GRIK4: variants seen among roughly 807,000 people sequenced by gnomAD.
GRIK4 encodes glutamate ionotropic receptor kainate type subunit 4.
In GRIK4, 40 loss-of-function variants were observed where a neutral mutation model predicts 104.9. The ratio of observed to expected loss-of-function variants is 0.38; its 90% CI spans 0.30 to 0.50. The LOEUF is 0.50. Among genes scored for constraint, GRIK4 ranks in the 20% least tolerant of loss-of-function variants. The pLI, the probability that GRIK4 is intolerant of heterozygous loss-of-function variation, is 0.93. For synonymous variants in GRIK4, 485 were observed against 524.9 expected (o/e 0.92, Z 1.04); for missense variants, 1,047 against 1,308.1 (o/e 0.80, Z 3.08).
intron 3 of GRIK4, among the ~76,000 whole-genome samples, chr11:120,711,005 G>GGA (rs201196928): frequency 6.7e-6 from 1 of 150,026 alleles, no homozygotes; most frequent in Non-Finnish European, 1.5e-5. Flanking sequence ...GGTGGGGAGG[G>GGA]GGTGTGAGCA....
chr11:120,906,295 G>A lies in GRIK4; in HGVS notation c.1476+802G>A, dbSNP rs77064420. Among the ~76,000 whole-genome samples, 1,289 of 152,350 alleles carry A rather than the reference G, an allele frequency of 8.5e-3. 18 individuals carry two copies. Among genetic ancestry groups the A allele is most frequent in the Non-Finnish European group, 0.014 (928 of 68,032 alleles). On this transcript the variant is annotated intron_variant, in intron 13 of 20. Coordinates refer to ENST00000527524, the MANE Select transcript of GRIK4 (RefSeq NM_014619.5). ...AGGTGATGAGGACACAATGCAGAGA[G>A]CACAGACCTGGGTTCTTGATGTGCC... is the stretch of plus-strand genomic sequence containing the variant.
rs1446489659 is a variant in GRIK4 at position 120,956,452 on chromosome 11, G to A, written c.1701-328G>A. 3.3e-5 allele frequency among the ~76,000 whole-genome samples: 5 copies of A among 151,898 alleles called. No homozygotes were observed. The highest frequency in any genetic ancestry group is 9.7e-5 in the African/African-American group (4 of 41,324). ...ATCCCTGGACTCAAGCAATCCACCC[G>A]CCTCGGCCTCCCAAAGTGCTGGGAT... On this transcript the variant is annotated intron_variant, in intron 15 of 20. Coordinates refer to ENST00000527524, the MANE Select transcript of GRIK4 (RefSeq NM_014619.5). This position sits in a 1 kb window ranked among gnomAD's most constrained non-coding sequence, Gnocchi z 4.6.
chr11:120,927,430 G>A (rs1306476901), intron 13 of GRIK4, among the ~76,000 whole-genome samples: 1 of 152,052 alleles, frequency 6.6e-6, no homozygotes, highest in Admixed American at 6.6e-5. Context: ...AGCTGGGTGT[G>A]GTGGTGCGTG....
chr11:120,853,653 A>G (rs1954029024), intron 8 of GRIK4, among the ~76,000 whole-genome samples: 1 of 152,258 alleles, frequency 6.6e-6, no homozygotes. Context: ...ACATTCACAA[A>G]CAGGGAACCA....
chr11:120,673,266 A>G (rs1184715244), intron 3 of GRIK4, among the ~76,000 whole-genome samples: 2 of 152,222 alleles, frequency 1.3e-5, no homozygotes. Flanking sequence ...TGTCCACTAA[A>G]TATCTACTGA....
At chr11:120,925,953 A>C (rs1199541403) in intron 13 of GRIK4, among the ~76,000 whole-genome samples, 2 of 150,190 alleles carry the variant, frequency 1.3e-5, no homozygotes, top group East Asian at 3.9e-4. Flanking sequence ...CAGCCTGGGC[A>C]TCAGAGCGAG....
chr11:120,666,859 G>A lies in GRIK4; in HGVS notation c.82+6459G>A, dbSNP rs141719541. Among the ~76,000 whole-genome samples the A allele has an allele frequency of 6.6e-5, 10 of 152,330 alleles. No homozygotes were observed. In the East Asian group the frequency reaches 1.9e-3, roughly 29 times the overall value. On this transcript the variant is annotated intron_variant, in intron 3 of 20. Coordinates refer to ENST00000527524, the MANE Select transcript of GRIK4 (RefSeq NM_014619.5). ...TATTTCATGAGAATTTCAAAAGCCT[G>A]TCTCCAGCTCTGTGAAGTCATTTAC... is the stretch of plus-strand genomic sequence containing the variant.
chr11:120,723,124 A>G (rs1240694751), intron 3 of GRIK4, among the ~76,000 whole-genome samples: 2 of 152,214 alleles, frequency 1.3e-5, no homozygotes, highest in Non-Finnish European at 2.9e-5. Flanking sequence ...ATCTTGTTTA[A>G]TGCTCATCAT....
At chr11:120,553,517 T>TGTTCTAGTACTGCAGGGG (rs1948159039) in intron 1 of GRIK4, among the ~76,000 whole-genome samples, 1 of 152,158 alleles carries the variant, frequency 6.6e-6, no homozygotes, top group African/African-American at 2.4e-5. Context: ...AAAAGGGATT[T>TGTTCTAGTACTGCAGGGG]AAAGTCTCTG....
intron 11 of GRIK4, among the ~76,000 whole-genome samples, chr11:120,889,216 C>T (rs1181594938): frequency 6.6e-6 from 1 of 152,124 alleles, no homozygotes; most frequent in Non-Finnish European, 1.5e-5. Flanking sequence ...ATGCAGTAAG[C>T]GTTTACTCCC....
intron 19 of GRIK4, among the ~76,000 whole-genome samples, chr11:120,968,910 G>A (rs538890037): frequency 3.2e-4 from 49 of 152,320 alleles, no homozygotes; most frequent in Non-Finnish European, 4.0e-4. Context: ...GCTCATCCCT[G>A]GGCCCAGTGT....
Position 120,819,677 on chromosome 11 carries a change from C to G in GRIK4, c.346-78C>G. 1 of 1,385,176 alleles carries G rather than the reference C, an allele frequency of 7.2e-7. No homozygotes were observed. Among genetic ancestry groups the G allele is most frequent in the African/African-American group, 1.4e-5 (1 of 70,832 alleles). The allele number at this position is 1,385,176 out of a possible 1,614,324, so 85.8% of individuals were successfully genotyped here. ...CATAAAAGAACTCACCCTCCACAAC[C>G]TCAGCTCACTCATCCCTCTTTCTTC... On this transcript the variant is annotated intron_variant, in intron 5 of 20. Coordinates refer to ENST00000527524, the MANE Select transcript of GRIK4 (RefSeq NM_014619.5). The surrounding 1 kb of genome is among the most constrained non-coding windows in gnomAD (Gnocchi z 4.3).
chr11:120,845,371 A>G lies in GRIK4; in HGVS notation c.744+8527A>G, dbSNP rs74431520. The stretch of plus-strand genomic sequence containing the variant: ...TATCTCATAACATTATTTTGTGAAG[A>G]CGATGGGAAGTTTCTAATCCTGAGG... On this transcript the variant is annotated intron_variant, in intron 8 of 20. Coordinates refer to ENST00000527524, the MANE Select transcript of GRIK4 (RefSeq NM_014619.5). Among the ~76,000 whole-genome samples, 848 of 152,302 alleles carry G rather than the reference A, an allele frequency of 5.6e-3. 21 individuals carry two copies. Among genetic ancestry groups the G allele is most frequent in the East Asian group, 0.055 (284 of 5,188 alleles).
intron 1 of GRIK4, among the ~76,000 whole-genome samples, chr11:120,543,810 AAAG>A (rs1223892373): frequency 6.6e-6 from 1 of 152,244 alleles, no homozygotes; most frequent in Admixed American, 6.5e-5. Flanking sequence ...CAGCCTTAAT[AAAG>A]AAGAAGATCC....
intron 3 of GRIK4, among the ~76,000 whole-genome samples, chr11:120,750,254 T>C (rs895158611): frequency 2.6e-5 from 4 of 151,958 alleles, no homozygotes; most frequent in Non-Finnish European, 5.9e-5. Context: ...TTAAAACATG[T>C]TCACTGAATT....
At chr11:120,627,020 G>A (rs1949268989) in intron 1 of GRIK4, among the ~76,000 whole-genome samples, 2 of 152,194 alleles carry the variant, frequency 1.3e-5, no homozygotes, top group Admixed American at 1.3e-4. Flanking sequence ...CCAAGGCCCT[G>A]GGCAGAGGCC....
At chr11:120,679,344 A>C (rs966163290) in intron 3 of GRIK4, among the ~76,000 whole-genome samples, 1 of 152,150 alleles carries the variant, frequency 6.6e-6, no homozygotes, top group African/African-American at 2.4e-5. Flanking sequence ...CTTTTTGAGT[A>C]AACAGCCCAG....
At chr11:120,983,550 C>G (rs1271932752) in intron 20 of GRIK4, among the ~76,000 whole-genome samples, 1 of 152,232 alleles carries the variant, frequency 6.6e-6, no homozygotes, top group African/African-American at 2.4e-5. Context: ...TGGCACCCAG[C>G]TCTCTTGGTT....
intron 1 of GRIK4, among the ~76,000 whole-genome samples, chr11:120,565,704 G>A (rs1948312983): frequency 6.6e-6 from 1 of 152,160 alleles, no homozygotes; most frequent in East Asian, 1.9e-4. Context: ...AGAAATACAG[G>A]GTCTGGCTGC....
Sources: gnomAD v4.1 joint callset for allele counts (sites outside exome capture counted in the v4.1 genomes callset) on GRCh38, gnomAD v4.1.1 for gene constraint, Gnocchi (gnomAD v3.1) non-coding constraint, MANE v1.5 for transcripts, NCBI Gene and HGNC (gene_info 2026-07-23, HGNC 2026-07-21) for gene names.